Variants in LRP1B observed in about 807,000 individuals in gnomAD.
The protein encoded by LRP1B is LDL receptor related protein 1B, also known as low-density lipoprotein receptor-related protein 1B.
LRP1B carries 217 observed loss-of-function variants against 556.6 expected under a neutral mutation model. The ratio of observed to expected loss-of-function variants is 0.39; its 90% confidence interval spans 0.35 to 0.44. The LOEUF is 0.44. Ranked by LOEUF, LRP1B falls within the 20% of genes least tolerant of loss-of-function variation. LRP1B has a pLI of 1.00. For synonymous variants in LRP1B, 2,047 were observed against 1,865.8 expected, an observed-to-expected ratio of 1.10 and a Z score of -2.50; for missense variants, 5,053 against 5,620.8, an observed-to-expected ratio of 0.90 and a Z score of 3.23.
intron 3 of LRP1B, among the ~76,000 whole-genome samples, chr2:141,453,859 G>A (rs1681522518): frequency 6.6e-6 from 1 of 151,088 alleles, no homozygotes; most frequent in Non-Finnish European, 1.5e-5. Flanking sequence ...GTTTCAGTGA[G>A]CTGAGATCCC....
At chr2:142,058,697 A>G (rs1397148029) in intron 1 of LRP1B, among the ~76,000 whole-genome samples, 3 of 152,024 alleles carry the variant, frequency 2.0e-5, no homozygotes, top group African/African-American at 7.2e-5. Context: ...TTTCTCTCCA[A>G]TGCTTGGCAC....
chr2:140,471,657 AAC>A (rs1409238630), intron 60 of LRP1B, among the ~76,000 whole-genome samples: 1 of 152,202 alleles, frequency 6.6e-6, no homozygotes, highest in Non-Finnish European at 1.5e-5. Context: ...AAAATATTTT[AAC>A]AGTCTCTAAA....
intron 1 of LRP1B, among the ~76,000 whole-genome samples, chr2:141,868,705 G>C (rs1243909423): frequency 6.6e-6 from 1 of 152,068 alleles, no homozygotes. Context: ...GCAAATTATG[G>C]ACTTGTATTT....
At chr2:141,919,753 C>T (rs949876260) in intron 1 of LRP1B, among the ~76,000 whole-genome samples, 1 of 151,974 alleles carries the variant, frequency 6.6e-6, no homozygotes, top group Non-Finnish European at 1.5e-5. Context: ...TGAGTTAGAA[C>T]AATACGTAAC....
chr2:140,371,434 T>A (rs1247139890), intron 69 of LRP1B, 149 bp from the exon 70 acceptor site: 7 of 379,902 alleles, frequency 1.8e-5, no homozygotes, highest in Non-Finnish European at 3.4e-5. Flanking sequence ...GTATTACAGA[T>A]TCATTTAAAT....
chr2:141,923,875 C>T (rs1163693839), intron 1 of LRP1B, among the ~76,000 whole-genome samples: 1 of 151,892 alleles, frequency 6.6e-6, no homozygotes, highest in East Asian at 2.0e-4. Flanking sequence ...GTTTCATCTG[C>T]AAGGTATTAA....
At chr2:141,795,425 G>C (rs575800122) in intron 2 of LRP1B, among the ~76,000 whole-genome samples, 1 of 152,016 alleles carries the variant, frequency 6.6e-6, no homozygotes. Flanking sequence ...AGCCCTTGAG[G>C]GAAGATGGAA....
chr2:141,888,461 C>A (rs1226843402), intron 1 of LRP1B, among the ~76,000 whole-genome samples: 1 of 152,094 alleles, frequency 6.6e-6, no homozygotes, highest in Non-Finnish European at 1.5e-5. Context: ...CTGGGAGAGA[C>A]CTGAATCAAT....
At chr2:140,725,257 A>C (rs928416559) in intron 35 of LRP1B, among the ~76,000 whole-genome samples, 4 of 152,066 alleles carry the variant, frequency 2.6e-5, no homozygotes, top group Non-Finnish European at 5.9e-5. Context: ...TACATTTTTC[A>C]ATCATCATGT....
At chr2:140,353,872 C>T (rs1682087831) in intron 75 of LRP1B, among the ~76,000 whole-genome samples, 1 of 151,960 alleles carries the variant, frequency 6.6e-6, no homozygotes, top group Admixed American at 6.6e-5. Context: ...TATGAAGTGA[C>T]TACGTAACAA....
intron 20 of LRP1B, among the ~76,000 whole-genome samples, chr2:140,939,245 A>C (rs1279735823): frequency 6.6e-6 from 1 of 152,010 alleles, no homozygotes; most frequent in Non-Finnish European, 1.5e-5. Flanking sequence ...ACACAAGATA[A>C]ACTTAATTTA....
intron 1 of LRP1B, among the ~76,000 whole-genome samples, chr2:141,979,836 A>T (rs1402351327): frequency 1.3e-5 from 2 of 152,120 alleles, no homozygotes; most frequent in African/African-American, 4.8e-5. Context: ...GTGAAGTGCA[A>T]ACCATGCATA....
chr2:141,132,866 A>G (rs74268847), intron 7 of LRP1B, among the ~76,000 whole-genome samples: 5,285 of 152,114 alleles, frequency 0.035, 142 homozygotes, highest in East Asian at 0.16. Flanking sequence ...AATAAAGAAC[A>G]TATCTTACAG....
intron 41 of LRP1B, among the ~76,000 whole-genome samples, chr2:140,682,421 T>C (rs183480920): frequency 6.6e-6 from 1 of 152,258 alleles, no homozygotes; most frequent in African/African-American, 2.4e-5. Context: ...ACTTATTAAG[T>C]CCCAGGAACT....
chr2:141,289,952 T>C (rs964718751), intron 3 of LRP1B, among the ~76,000 whole-genome samples: 1 of 152,238 alleles, frequency 6.6e-6, no homozygotes, highest in Non-Finnish European at 1.5e-5. Context: ...ACTGTGAATC[T>C]ATAAAGTGAC....
intron 2 of LRP1B, among the ~76,000 whole-genome samples, chr2:141,488,080 A>T (rs965163276): frequency 5.3e-5 from 8 of 152,166 alleles, no homozygotes; most frequent in South Asian, 2.1e-4. Flanking sequence ...CATTGTCTAT[A>T]TCACACTTTT....
chr2:141,615,444 T>A (rs545782135), intron 2 of LRP1B, among the ~76,000 whole-genome samples: 1 of 152,172 alleles, frequency 6.6e-6, no homozygotes, highest in Non-Finnish European at 1.5e-5. Flanking sequence ...CTGACACTCA[T>A]AGATGATCAA....
At chr2:141,860,131 T>C (rs1698190731) in intron 1 of LRP1B, among the ~76,000 whole-genome samples, 1 of 152,200 alleles carries the variant, frequency 6.6e-6, no homozygotes, top group Non-Finnish European at 1.5e-5. Context: ...TACTGATGGC[T>C]CCTAAGAGTT....
intron 83 of LRP1B, among the ~76,000 whole-genome samples, chr2:140,299,103 G>A (rs1276574983): frequency 6.6e-6 from 1 of 152,062 alleles, no homozygotes; most frequent in African/African-American, 2.4e-5. Context: ...AGACACAGAA[G>A]TGTAATTAAA....
Sources: allele counts gnomAD v4.1 joint callset (sites outside exome capture counted in the v4.1 genomes callset), GRCh38; gene constraint gnomAD v4.1.1; transcripts MANE v1.5; gene names NCBI Gene and HGNC (gene_info 2026-07-23, HGNC 2026-07-21).